Variants in WDR4 observed in about 807,000 individuals in gnomAD.
The protein encoded by WDR4 is WDR4 tRNA N7-guanosine methyltransferase non-catalytic subunit.
Under a neutral mutation model 48.6 loss-of-function variants are expected in WDR4, and 47 were observed. The observed-to-expected ratio is 0.97, with a 90% CI of 0.77 to 1.23. The LOEUF is 1.23. WDR4 is among the 50% of genes most tolerant of loss of function. The pLI, the probability that WDR4 is intolerant of heterozygous loss-of-function variation, is 0.00. For synonymous variants in WDR4, 268 were observed against 230.0 expected (o/e 1.17, Z -1.49); for missense variants, 606 against 551.6 (o/e 1.10, Z -0.99).
chr21:42,863,178 T>C (rs1164813521), intron 4 of WDR4, among the ~76,000 whole-genome samples: 1 of 152,140 alleles, frequency 6.6e-6, no homozygotes, highest in Non-Finnish European at 1.5e-5. Context: ...ACCACTCCCC[T>C]GCTCCCAAAT....
chr21:42,892,751 C>G, the WDR4 span, among the ~76,000 whole-genome samples: 1 of 152,338 alleles, frequency 6.6e-6, no homozygotes, highest in East Asian at 1.9e-4. Flanking sequence ...CGGCCTAACT[C>G]TGGTATTAGC....
the WDR4 span, among the ~76,000 whole-genome samples, chr21:42,888,931 A>G: frequency 6.9e-6 from 1 of 144,352 alleles, no homozygotes; most frequent in South Asian, 2.2e-4. Context: ...CTCGAACTCC[A>G]TACCTCAGGT....
chr21:42,859,613 C>CCCCCCG, intron 6 of WDR4, 49 bp downstream of exon 6: 1 of 1,456,812 alleles, frequency 6.9e-7, no homozygotes, highest in Non-Finnish European at 9.4e-7. Flanking sequence ...CCCACCCTCC[C>CCCCCCG]TGCAGGCTCA....
chr21:42,869,011 G>T (rs1232183090), intron 3 of WDR4, among the ~76,000 whole-genome samples: 1 of 152,200 alleles, frequency 6.6e-6, no homozygotes, highest in Non-Finnish European at 1.5e-5. Flanking sequence ...TGCCCTGGCG[G>T]GGGGGAACAG....
chr21:42,880,010 G>A, upstream of WDR4: 1 of 382,844 alleles, frequency 2.6e-6, no homozygotes. Flanking sequence ...TGCGACTGTA[G>A]CCCCAACTAC....
In WDR4 at chr21:42,850,088, G is replaced by C; in HGVS notation, c.1200C>G (p.Ala400=). 1 of 1,614,108 alleles carries C rather than the reference G, an allele frequency of 6.2e-7. No homozygotes were observed. Among genetic ancestry groups the C allele is most frequent in the Non-Finnish European group, 8.5e-7 (1 of 1,179,998 alleles). ...TCGCCTCCCCCGGTCTCATCTTCTT[G>C]GCATGCCCGTCGGGCCCAGGCGGGG... The part of the protein sequence containing the change: ...RSPPPGPDGH[A]KKMRPGEATL... The change falls in exon 11 of 11, where the codon GCC becomes GCG. Residue 400 remains alanine (A), a synonymous_variant. Coordinates refer to ENST00000398208, the MANE Select transcript of WDR4 (RefSeq NM_018669.6).
rs1031808510 is a variant in WDR4 at position 42,862,042 on chromosome 21, C to T, written c.566+240G>A. On this transcript the variant is annotated intron_variant, in intron 5 of 10. Transcript: ENST00000398208. This position sits in a 1 kb window ranked among gnomAD's most constrained non-coding sequence, Gnocchi z 4.3. ...TTCCCGGAAACAAGCCCTTCCTGTT[C>T]GGTCAGGCCCAATGCCAAGTTACTG... Among the ~76,000 whole-genome samples the T allele has an allele frequency of 7.2e-5, 11 of 152,192 alleles. No homozygotes were observed. Among genetic ancestry groups the T allele is most frequent in the Middle Eastern group, 3.2e-3 (1 of 316 alleles).
chr21:42,883,750 G>A (rs61740448), upstream of WDR4: 2,347 of 153,660 alleles, frequency 0.015, 59 homozygotes, highest in African/African-American at 0.052. Context: ...CAGAAGGAGC[G>A]TGGCCCAGCC....
chr21:42,846,021 A>G (rs1428724257), downstream of WDR4, among the ~76,000 whole-genome samples: 1 of 152,074 alleles, frequency 6.6e-6, no homozygotes, highest in Non-Finnish European at 1.5e-5. Context: ...AGTCCCAGCT[A>G]CTCAGGAGAC....
downstream of WDR4, among the ~76,000 whole-genome samples, chr21:42,848,997 TCACA>T (rs576552722): frequency 2.8e-5 from 3 of 105,722 alleles, no homozygotes; most frequent in African/African-American, 7.0e-5. Flanking sequence ...AGCGTGCACC[TCACA>T]CACAGCGCAC....
downstream of WDR4, among the ~76,000 whole-genome samples, chr21:42,848,889 C>T (rs1268209583): frequency 1.2e-5 from 1 of 84,404 alleles, no homozygotes; most frequent in East Asian, 2.5e-4. Context: ...CGCACGATCA[C>T]GCGGCGCACA....
At chr21:42,844,086 A>G (rs546952510) in intron 11 of WDR4, among the ~76,000 whole-genome samples, 1 of 152,356 alleles carries the variant, frequency 6.6e-6, no homozygotes, top group South Asian at 2.1e-4. Context: ...GCAGCTTAAA[A>G]GATCAGTGGG....
At chr21:42,851,393 C>T (rs939228926) in intron 10 of WDR4, among the ~76,000 whole-genome samples, 1 of 152,204 alleles carries the variant, frequency 6.6e-6, no homozygotes, top group Non-Finnish European at 1.5e-5. Context: ...TGCCGCCACT[C>T]GGGGAGCCTG....
chr21:42,878,028 A>C (rs1308900092), intron 1 of WDR4, among the ~76,000 whole-genome samples: 2 of 145,860 alleles, frequency 1.4e-5, no homozygotes, highest in African/African-American at 2.6e-5. Context: ...CTGGGCGACA[A>C]AGCGAGACTC....
downstream of WDR4, among the ~76,000 whole-genome samples, chr21:42,845,064 G>C (rs550951472): frequency 4.9e-4 from 75 of 152,234 alleles, no homozygotes; most frequent in Non-Finnish European, 8.8e-4. Flanking sequence ...TGGGCACGGA[G>C]AGGCAAGACA....
downstream of WDR4, among the ~76,000 whole-genome samples, chr21:42,847,447 C>A (rs377008887): frequency 1.4e-4 from 22 of 152,336 alleles, 1 homozygote; most frequent in South Asian, 2.1e-3. Flanking sequence ...AGAAACGGCT[C>A]TTGGCAGAGG....
chr21:42,878,032 G>A (rs370011495), intron 1 of WDR4, among the ~76,000 whole-genome samples: 95 of 123,520 alleles, frequency 7.7e-4, no homozygotes, highest in African/African-American at 2.8e-3. Flanking sequence ...GCGACAAAGC[G>A]AGACTCCTCA....
chr21:42,884,787 G>GT, the WDR4 span, among the ~76,000 whole-genome samples: 2 of 151,774 alleles, frequency 1.3e-5, no homozygotes, highest in Non-Finnish European at 1.5e-5. Flanking sequence ...TTTTTTGTTT[G>GT]TTTTTTTCCG....
chr21:42,885,564 G>A, the WDR4 span, among the ~76,000 whole-genome samples: 3 of 151,592 alleles, frequency 2.0e-5, no homozygotes, highest in African/African-American at 7.3e-5. Flanking sequence ...AGCTGAGATC[G>A]CACCATTGCA....
Sources: allele counts gnomAD v4.1 joint callset (sites outside exome capture counted in the v4.1 genomes callset), GRCh38; gene constraint gnomAD v4.1.1; non-coding constraint Gnocchi (gnomAD v3.1); transcripts MANE v1.5; gene names NCBI Gene and HGNC (gene_info 2026-07-23, HGNC 2026-07-21).